Variants in NEBL observed in about 807,000 individuals in gnomAD.
The protein encoded by NEBL is LIM and SH3 protein 2.
NEBL carries 122 observed loss-of-function variants against 140.2 expected under a neutral mutation model. The observed-to-expected ratio is 0.87, with a 90% CI of 0.75 to 1.01. The LOEUF is 1.01. Among genes scored for constraint, NEBL ranks in the 50% least tolerant of loss-of-function variants. The pLI is 0.00. For synonymous variants in NEBL, 436 were observed against 398.9 expected (o/e 1.09, Z -1.11); for missense variants, 1,365 against 1,231.3 (o/e 1.11, Z -1.62).
intron 3 of NEBL, among the ~76,000 whole-genome samples, chr10:20,985,204 C>G (rs1352855579): frequency 6.6e-6 from 1 of 152,178 alleles, no homozygotes; most frequent in Non-Finnish European, 1.5e-5. Context: ...CTGTCTTCCA[C>G]AAAATTGGTC....
intron 4 of NEBL, among the ~76,000 whole-genome samples, chr10:20,925,560 T>C (rs1833868281): frequency 6.6e-6 from 1 of 152,100 alleles, no homozygotes; most frequent in South Asian, 2.1e-4. Flanking sequence ...TTTTTCAGAG[T>C]GGCTGGCCTG....
At position 20,826,483 on chromosome 10, in the gene NEBL, G is replaced by T. The variant is rs747672592; in HGVS notation, c.1833C>A (p.Ile611=). The change falls in exon 18 of 28, where the codon ATC becomes ATA. Residue 611 remains isoleucine, a synonymous_variant. Transcript: ENST00000377122. ...TCTGCTGATTTTTCTTCACTCGTTC[G>T]ATCTCTGGGCTATCTTTCACTGCAG... ...AGTAVKDSPE[I]ERVKKNQQNI... is the part of the protein sequence containing the mutation. The T allele has an allele frequency of 3.1e-6, 5 of 1,612,798 alleles. No homozygotes were observed. The highest frequency in any genetic ancestry group is 2.2e-5 in the South Asian group (2 of 91,068).
At chr10:21,257,671 G>T (rs1015866390) in intron 1 of NEBL, among the ~76,000 whole-genome samples, 3 of 151,964 alleles carry the variant, frequency 2.0e-5, no homozygotes, top group African/African-American at 7.3e-5. Flanking sequence ...GGATCACAAG[G>T]TCAGGAGATC....
intron 7 of NEBL, among the ~76,000 whole-genome samples, chr10:20,865,908 A>C (rs1202299213): frequency 2.0e-5 from 3 of 152,130 alleles, no homozygotes; most frequent in Non-Finnish European, 4.4e-5. Context: ...CTATTCAGGT[A>C]CTGATCACTT....
At chr10:21,041,834 G>A (rs1463191297) in intron 2 of NEBL, among the ~76,000 whole-genome samples, 1 of 152,170 alleles carries the variant, frequency 6.6e-6, no homozygotes, top group Non-Finnish European at 1.5e-5. Context: ...AGAACTGAGG[G>A]TTCCTCCCCA....
chr10:20,839,957 G>C (rs1461966700), intron 13 of NEBL, among the ~76,000 whole-genome samples: 1 of 152,200 alleles, frequency 6.6e-6, no homozygotes, highest in Non-Finnish European at 1.5e-5. Context: ...TGGAGGAAGA[G>C]AGACATCATC....
intron 3 of NEBL, among the ~76,000 whole-genome samples, chr10:21,226,646 C>G (rs1016919183): frequency 5.9e-5 from 9 of 152,186 alleles, no homozygotes; most frequent in African/African-American, 2.2e-4. Context: ...TCTGCTGTGA[C>G]AGGGCAGCAC....
At chr10:20,827,583 A>C (rs1839996213) in intron 17 of NEBL, among the ~76,000 whole-genome samples, 1 of 152,244 alleles carries the variant, frequency 6.6e-6, no homozygotes, top group Non-Finnish European at 1.5e-5. Flanking sequence ...TTAGAACAGA[A>C]GTCAAGTTTA....
chr10:20,877,363 T>G (rs1845600140), intron 5 of NEBL, among the ~76,000 whole-genome samples: 1 of 152,214 alleles, frequency 6.6e-6, no homozygotes, highest in Non-Finnish European at 1.5e-5. Flanking sequence ...AATGTCTGAC[T>G]CCAAATTCCT....
intron 2 of NEBL, among the ~76,000 whole-genome samples, chr10:21,124,011 T>G (rs1175524758): frequency 2.0e-5 from 3 of 152,124 alleles, no homozygotes; most frequent in Non-Finnish European, 4.4e-5. Flanking sequence ...TGACATTTTA[T>G]GCATACAGAA....
At chr10:20,899,520 A>T (rs1847756338), upstream of NEBL, 1 of 827,662 alleles carries the variant, frequency 1.2e-6, no homozygotes, top group African/African-American at 1.8e-5. Context: ...ACCACGTGCA[A>T]TGTGAACACA....
intron 4 of NEBL, 43 bp downstream of exon 4, chr10:20,888,054 T>A (rs772415682): frequency 1.5e-6 from 2 of 1,325,980 alleles, no homozygotes; most frequent in South Asian, 2.3e-5. Flanking sequence ...TCCAGTTATA[T>A]GTTTTATCTA....
Position 20,813,998 on chromosome 10 carries a change from G to C in NEBL, c.2287C>G (p.Leu763Val), listed in dbSNP as rs768389033. 5 of 1,611,456 alleles carry C rather than the reference G, an allele frequency of 3.1e-6. No homozygotes were observed. In the South Asian group the frequency reaches 3.3e-5, roughly 11 times the overall value. The change falls in exon 23 of 28, where the codon CTG (leucine) becomes GTG (valine). Residue 763 changes from leucine to valine, a missense_variant. Physicochemically the swap from Leu to Val is conservative, Grantham distance 32. Coordinates refer to ENST00000377122, the MANE Select transcript of NEBL (RefSeq NM_006393.3). Reference sequence around the variant, plus strand: ...CTCATAGCAGGTGTATCTAAAATCAGACTTGGTCTACCTTTCATCTGTTTA... The same window carrying C: ...CTCATAGCAGGTGTATCTAAAATCACACTTGGTCTACCTTTCATCTGTTTA... ...DHKQMKGRPS[L>V]ILDTPAMRHV... is the part of the protein sequence containing the mutation.
intron 3 of NEBL, among the ~76,000 whole-genome samples, chr10:21,004,547 C>G (rs1162530510): frequency 6.6e-6 from 1 of 152,076 alleles, no homozygotes; most frequent in African/African-American, 2.4e-5. Flanking sequence ...AGTGAAACCC[C>G]ATCTCTACTA....
chr10:21,281,328 TG>T (rs370335301), intron 1 of NEBL, among the ~76,000 whole-genome samples: 3 of 152,044 alleles, frequency 2.0e-5, no homozygotes, highest in South Asian at 2.1e-4. Flanking sequence ...TGGGGTTTTT[TG>T]TGTGTGTGTT....
chr10:21,150,600 G>GA (rs1840099461), intron 2 of NEBL, among the ~76,000 whole-genome samples: 1 of 152,146 alleles, frequency 6.6e-6, no homozygotes, highest in African/African-American at 2.4e-5. Flanking sequence ...AATGAGATGT[G>GA]AAAACTTCAG....
chr10:21,125,963 C>A (rs625223), intron 2 of NEBL: 2 of 1,613,984 alleles, frequency 1.2e-6, no homozygotes, highest in Non-Finnish European at 1.7e-6. Context: ...TTGCCTGGAT[C>A]TGGTTCAGGA....
intron 4 of NEBL, among the ~76,000 whole-genome samples, chr10:20,910,389 A>G (rs1848279488): frequency 6.6e-6 from 1 of 152,234 alleles, no homozygotes; most frequent in Non-Finnish European, 1.5e-5. Flanking sequence ...AAAAGTTAAA[A>G]CACATGCATC....
chr10:21,089,567 G>A (rs750027192), intron 2 of NEBL, among the ~76,000 whole-genome samples: 9 of 152,030 alleles, frequency 5.9e-5, no homozygotes, highest in African/African-American at 1.4e-4. Context: ...GGAGACTGAC[G>A]GGGAGCCACT....
Sources: gnomAD v4.1 joint callset for allele counts (sites outside exome capture counted in the v4.1 genomes callset) on GRCh38, gnomAD v4.1.1 for gene constraint, MANE v1.5 for transcripts, NCBI Gene and HGNC (gene_info 2026-07-23, HGNC 2026-07-21) for gene names.